FHIT: variants seen among roughly 807,000 people sequenced by gnomAD.
FHIT encodes the protein bis(5'-adenosyl)-triphosphatase.
In FHIT, 19 loss-of-function variants were observed where a neutral mutation model predicts 17.9. The ratio of observed to expected loss-of-function variants is 1.06; its 90% CI spans 0.74 to 1.56. FHIT has a LOEUF of 1.56. Ranked by LOEUF, FHIT falls within the 40% of genes most tolerant of loss-of-function variation. The pLI is 0.00. For missense variants in FHIT, 248 were observed against 189.2 expected, an observed-to-expected ratio of 1.31 and a Z score of -1.82; for synonymous variants, 81 against 69.7, an observed-to-expected ratio of 1.16 and a Z score of -0.81.
chr3:60,165,761 A>C (rs573342299), intron 5 of FHIT, among the ~76,000 whole-genome samples: 2 of 152,308 alleles, frequency 1.3e-5, no homozygotes, highest in South Asian at 4.1e-4. Context: ...ATATACCAAC[A>C]TAAAAAGGAC....
chr3:59,798,815 G>A lies in FHIT; in HGVS notation c.349-46494C>T, dbSNP rs1699880691. Among the ~76,000 whole-genome samples, 3 of 152,220 alleles carry A rather than the reference G, an allele frequency of 2.0e-5. No individual in the cohort carries two copies. In the South Asian group the frequency reaches 6.2e-4, roughly 32 times the overall value. On this transcript the variant is annotated intron_variant, in intron 8 of 9. Coordinates refer to ENST00000492590, the MANE Select transcript of FHIT (RefSeq NM_002012.4). Reference sequence around the variant, plus strand: ...TGTTTGACTCTGTGGTTTTTAGGATGGTTCGAAAGAGATTTCAGATGAAAC... The same window carrying A: ...TGTTTGACTCTGTGGTTTTTAGGATAGTTCGAAAGAGATTTCAGATGAAAC...
intron 5 of FHIT, among the ~76,000 whole-genome samples, chr3:60,105,531 T>A (rs2205361): frequency 6.6e-6 from 1 of 152,000 alleles, no homozygotes; most frequent in Non-Finnish European, 1.5e-5. Flanking sequence ...TTATGCCTAC[T>A]TTAGTGATCA....
Position 61,219,433 on chromosome 3 carries a change from A to T in FHIT, c.-212-18768T>A, listed in dbSNP as rs118077713. ...CAAAAGTTCTTGTTCCAGAGTATAGATATCTAGACAATAGTCAGGAATAGC... is the reference window on the plus strand; with the variant it reads ...CAAAAGTTCTTGTTCCAGAGTATAGTTATCTAGACAATAGTCAGGAATAGC... On this transcript the variant is annotated intron_variant, in intron 1 of 9. Coordinates refer to ENST00000492590, the MANE Select transcript of FHIT (RefSeq NM_002012.4). Among the ~76,000 whole-genome samples, 43 of 152,110 alleles carry T rather than the reference A, an allele frequency of 2.8e-4. No individual in the cohort carries two copies. The East Asian group carries it at 7.7e-3, about 27-fold the overall frequency.
At chr3:60,543,901 G>A (rs981332568) in intron 4 of FHIT, among the ~76,000 whole-genome samples, 4 of 38,312 alleles carry the variant, frequency 1.0e-4, no homozygotes, top group African/African-American at 2.7e-4. Flanking sequence ...CCCGCACCAC[G>A]CCCGGCTTTT....
chr3:59,986,502 T>C lies in FHIT; in HGVS notation c.279+24869A>G, dbSNP rs1253252427. On this transcript the variant is annotated intron_variant, in intron 7 of 9. Coordinates refer to ENST00000492590, the MANE Select transcript of FHIT (RefSeq NM_002012.4). Reference sequence around the variant, plus strand: ...GGGTATGAGAAAGTAGTCCAAAATATATATATATATATATATATATATATA... The same window carrying C: ...GGGTATGAGAAAGTAGTCCAAAATACATATATATATATATATATATATATA... 9.0e-3 allele frequency among the ~76,000 whole-genome samples: 20 copies of C among 2,226 alleles called. 1 individual carries two copies. Among genetic ancestry groups the C allele is most frequent in the Admixed American group, 0.077 (4 of 52 alleles). The allele number at this position is 2,226 out of a possible 152,430, so 1.5% of individuals were successfully genotyped here.
chr3:60,240,075 G>T (rs1705049391), intron 5 of FHIT, among the ~76,000 whole-genome samples: 1 of 152,076 alleles, frequency 6.6e-6, no homozygotes, highest in Non-Finnish European at 1.5e-5. Context: ...ATGTAAACAA[G>T]CAAATGGCAT....
chr3:59,821,887 T>C (rs576358642), intron 8 of FHIT, among the ~76,000 whole-genome samples: 23 of 152,298 alleles, frequency 1.5e-4, no homozygotes, highest in Non-Finnish European at 7.4e-5. Context: ...TGTGAGATTT[T>C]GGTGCACCCA....
rs566324433 is a variant in FHIT, at chr3:59,757,786, G to A, written c.349-5465C>T. ...AGCTTAAATAAACCATTTCTTATGGGTTGACGGTTCTGTTTACACAGGGGT... is the reference window on the plus strand; with the variant it reads ...AGCTTAAATAAACCATTTCTTATGGATTGACGGTTCTGTTTACACAGGGGT... On this transcript the variant is annotated intron_variant, in intron 8 of 9. Transcript: ENST00000492590. Among the ~76,000 whole-genome samples the A allele has an allele frequency of 9.2e-4, 140 of 152,232 alleles. 1 individual carries two copies. Among genetic ancestry groups the A allele is most frequent in the Middle Eastern group, 6.8e-3 (2 of 294 alleles).
chr3:61,100,759 G>A (rs1317161288), intron 2 of FHIT, among the ~76,000 whole-genome samples: 2 of 152,120 alleles, frequency 1.3e-5, no homozygotes, highest in African/African-American at 4.8e-5. Flanking sequence ...ATTCTAACTG[G>A]CATAAGATCG....
intron 2 of FHIT, among the ~76,000 whole-genome samples, chr3:61,141,645 T>C (rs1560015254): frequency 6.6e-6 from 1 of 151,258 alleles, no homozygotes; most frequent in Non-Finnish European, 1.5e-5. Flanking sequence ...CCTGAGTGGG[T>C]TGGGTTGAGG....
At chr3:59,848,982 T>G (rs546980296) in intron 8 of FHIT, among the ~76,000 whole-genome samples, 1 of 152,242 alleles carries the variant, frequency 6.6e-6, no homozygotes, top group Admixed American at 6.5e-5. Flanking sequence ...CCTGTCATCA[T>G]GCAAATTCCA....
chr3:60,888,037 A>T (rs1208366864), intron 3 of FHIT, among the ~76,000 whole-genome samples: 32 of 152,186 alleles, frequency 2.1e-4, no homozygotes, highest in Admixed American at 2.1e-3. Flanking sequence ...ATTTCCAAAG[A>T]AACAACAAGT....
intron 5 of FHIT, among the ~76,000 whole-genome samples, chr3:60,521,718 T>G (rs1201727204): frequency 6.6e-6 from 1 of 152,180 alleles, no homozygotes; most frequent in Non-Finnish European, 1.5e-5. Flanking sequence ...CAAAAAAGAA[T>G]AAATGACCTA....
rs144882692 is a variant in FHIT, at chr3:60,574,416, G to C, written c.-17-37437C>G. Among the ~76,000 whole-genome samples the C allele has an allele frequency of 2.3e-3, 354 of 151,056 alleles. 5 individuals carry two copies. Among genetic ancestry groups the C allele is most frequent in the Non-Finnish European group, 2.4e-3 (161 of 67,878 alleles). On this transcript the variant is annotated intron_variant, in intron 4 of 9. Coordinates refer to ENST00000492590, the MANE Select transcript of FHIT (RefSeq NM_002012.4). ...TCCTGATGATTGTGAGCATAGCTCA[G>C]AGTAATGCCAACTGTTGCTGTATCA...
intron 5 of FHIT, among the ~76,000 whole-genome samples, chr3:60,428,178 A>C (rs928228487): frequency 6.6e-6 from 1 of 152,164 alleles, no homozygotes; most frequent in African/African-American, 2.4e-5. Context: ...GTAAGTTTCC[A>C]ATCTCAGCTC....
chr3:59,795,922 C>T (rs551679517), intron 8 of FHIT, among the ~76,000 whole-genome samples: 2 of 152,262 alleles, frequency 1.3e-5, no homozygotes, highest in East Asian at 1.9e-4. Flanking sequence ...GTTGATGGAA[C>T]ACACAATGAA....
At chr3:60,326,750 G>T (rs758059073) in intron 5 of FHIT, among the ~76,000 whole-genome samples, 4 of 152,184 alleles carry the variant, frequency 2.6e-5, no homozygotes, top group Non-Finnish European at 5.9e-5. Context: ...TAGTAGTAGT[G>T]ACTGCTGACT....
At position 60,860,489 on chromosome 3, in the gene FHIT, AT is replaced by A. The variant is rs1457928859; in HGVS notation, c.-110-38479del. ...ATATATGTATATATGATACATATGT[AT>A]CATATATATCAGGTATATATGATAC... On this transcript the variant is annotated intron_variant, in intron 3 of 9. Transcript: ENST00000492590. 3.6e-4 allele frequency among the ~76,000 whole-genome samples: 45 copies of A among 126,578 alleles called. 1 individual carries two copies. The highest frequency in any genetic ancestry group is 5.2e-4 in the African/African-American group (17 of 32,390). The allele number at this position is 126,578 out of a possible 152,430, so 83.0% of individuals were successfully genotyped here.
intron 5 of FHIT, among the ~76,000 whole-genome samples, chr3:60,289,699 T>G (rs778950349): frequency 1.3e-5 from 2 of 152,218 alleles, no homozygotes; most frequent in African/African-American, 4.8e-5. Flanking sequence ...ATTCTAATTA[T>G]GTAGAAATGG....
Sources: gnomAD v4.1 joint callset for allele counts (sites outside exome capture counted in the v4.1 genomes callset) on GRCh38, gnomAD v4.1.1 for gene constraint, MANE v1.5 for transcripts, NCBI Gene and HGNC (gene_info 2026-07-23, HGNC 2026-07-21) for gene names.